Variants in AK5 observed in about 807,000 individuals in gnomAD.
The protein encoded by AK5 is adenylate kinase isoenzyme 5.
A neutral mutation model predicts 69.5 loss-of-function variants in AK5; 27 were observed. The observed-to-expected ratio is 0.39, with a 90% CI of 0.29 to 0.54. The LOEUF is 0.54. Ranked by LOEUF, AK5 falls within the 20% of genes least tolerant of loss-of-function variation. The pLI, the probability that AK5 is intolerant of heterozygous loss-of-function variation, is 0.71. For missense variants in AK5, 531 were observed against 700.4 expected, an observed-to-expected ratio of 0.76 and a Z score of 2.73; for synonymous variants, 260 against 244.4, an observed-to-expected ratio of 1.06 and a Z score of -0.60.
At chr1:77,463,778 A>T (rs55674461) in intron 8 of AK5, among the ~76,000 whole-genome samples, 2,566 of 152,152 alleles carry the variant, frequency 0.017, 80 homozygotes, top group African/African-American at 0.059. Flanking sequence ...GCATCTACCA[A>T]CTGGTACAGC....
intron 6 of AK5, among the ~76,000 whole-genome samples, chr1:77,391,390 A>T (rs187040048): frequency 0.037 from 5,309 of 141,616 alleles, 174 homozygotes; most frequent in African/African-American, 0.084. Context: ...CAAAAAAAAA[A>T]ATATATATAT....
In AK5 at chr1:77,449,641, A is replaced by T. The variant is rs530773257; in HGVS notation, c.1059+31926A>T. On this transcript the variant is annotated intron_variant, in intron 8 of 13. Transcript: ENST00000354567. ...GAAATGTGAGGACATGAGATTTGGGAGGGGCCAAGAGTGTAATGATAAGGT... is the reference window on the plus strand; with the variant it reads ...GAAATGTGAGGACATGAGATTTGGGTGGGGCCAAGAGTGTAATGATAAGGT... Among the ~76,000 whole-genome samples, 12 of 152,252 alleles carry T rather than the reference A, an allele frequency of 7.9e-5. 1 individual carries two copies. In the South Asian group the frequency reaches 2.5e-3, roughly 32 times the overall value.
intron 6 of AK5, chr1:77,340,916 C>A: frequency 5.5e-6 from 1 of 182,358 alleles, no homozygotes; most frequent in South Asian, 1.4e-4. Context: ...TCTTTGGAAG[C>A]CTAACAAAAT....
At position 77,297,540 on chromosome 1, in the gene AK5, T is replaced by G. The variant is rs756088613; in HGVS notation, c.416-19T>G. ...TTATTGTATCAGAAGATCACAGTTT[T>G]GCCTGTTTTAAATACTAGGTGGTCC... On this transcript the variant is annotated intron_variant, in intron 3 of 13. Coordinates refer to ENST00000354567, the MANE Select transcript of AK5 (RefSeq NM_174858.3). 13 of 1,574,456 alleles carry G rather than the reference T, an allele frequency of 8.3e-6. No homozygotes were observed.
chr1:77,417,191 C>T (rs1356885680), intron 7 of AK5, among the ~76,000 whole-genome samples: 9 of 152,162 alleles, frequency 5.9e-5, no homozygotes, highest in Non-Finnish European at 1.5e-5. Flanking sequence ...TCTCCTCCCA[C>T]TCTGTACTTT....
chr1:77,403,919 C>T (rs1478619182), intron 6 of AK5, among the ~76,000 whole-genome samples: 1 of 152,148 alleles, frequency 6.6e-6, no homozygotes, highest in Non-Finnish European at 1.5e-5. Context: ...TTGATTCTTC[C>T]TACCCATGAG....
chr1:77,409,530 A>G (rs945235119), intron 6 of AK5, among the ~76,000 whole-genome samples: 1 of 151,944 alleles, frequency 6.6e-6, no homozygotes, highest in Non-Finnish European at 1.5e-5. Flanking sequence ...GGCTGCATGT[A>G]TGTCTTCTTT....
chr1:77,482,992 TAAAAAAAAAAAAAAAAAAAAAAAAAA>T (rs56718956), intron 8 of AK5, among the ~76,000 whole-genome samples: 116 of 43,916 alleles, frequency 2.6e-3, no homozygotes, highest in African/African-American at 6.3e-3. Context: ...TTTTGCACTT[TAAAAAAAAAAAAAAAAAAAAAAAAAA>T]AAAAAAAAAA....
chr1:77,514,056 T>C (rs1005091346), intron 10 of AK5, among the ~76,000 whole-genome samples: 3 of 152,178 alleles, frequency 2.0e-5, no homozygotes, highest in African/African-American at 7.2e-5. Flanking sequence ...CTTACTCAGA[T>C]GCAAATTGGG....
intron 8 of AK5, among the ~76,000 whole-genome samples, chr1:77,453,723 C>T (rs1041336375): frequency 6.6e-6 from 1 of 152,222 alleles, no homozygotes; most frequent in Non-Finnish European, 1.5e-5. Context: ...GAAATCAGCT[C>T]AGCCCTCTGG....
chr1:77,311,485 A>G (rs1659960230), intron 5 of AK5, among the ~76,000 whole-genome samples: 1 of 152,126 alleles, frequency 6.6e-6, no homozygotes. Context: ...GAATGAGAAT[A>G]ATAATGTCTC....
At position 77,559,676 on chromosome 1, in the gene AK5, G is replaced by C. The variant is rs1354441823; in HGVS notation, c.*1006G>C. The C allele has an allele frequency of 6.6e-6, 1 of 152,128 alleles. No homozygotes were observed. 9.4% of individuals were successfully genotyped at this position (152,128 alleles called of 1,614,324 possible). ...CCCTTTCCAGGAGTTTGCAAACCTTGTCATACCCATATGCAAAACTGTGTT... is the reference window on the plus strand; with the variant it reads ...CCCTTTCCAGGAGTTTGCAAACCTTCTCATACCCATATGCAAAACTGTGTT... On this transcript the variant is annotated 3_prime_UTR_variant, in exon 14 of 14. Transcript: ENST00000354567.
chr1:77,466,080 G>A (rs560347740), intron 8 of AK5, among the ~76,000 whole-genome samples: 6 of 152,238 alleles, frequency 3.9e-5, no homozygotes, highest in Admixed American at 6.5e-5. Context: ...ACCATGGCCC[G>A]TGAGGCTCTG....
chr1:77,320,141 A>G (rs969392907), intron 5 of AK5, among the ~76,000 whole-genome samples: 1 of 152,218 alleles, frequency 6.6e-6, no homozygotes, highest in East Asian at 1.9e-4. Context: ...AGTGCTGAGC[A>G]AAGTGGGGAA....
intron 6 of AK5, among the ~76,000 whole-genome samples, chr1:77,396,168 C>T (rs1648815973): frequency 6.6e-6 from 1 of 152,166 alleles, no homozygotes; most frequent in Non-Finnish European, 1.5e-5. Context: ...AGTAACTACC[C>T]ATAGAGTTGA....
rs1206468520 is a variant in AK5, at chr1:77,480,156, G to GTGTGTGTGTA, written c.1060-3160_1060-3159insGTGTGTGTAT. Among the ~76,000 whole-genome samples the GTGTGTGTGTA allele has an allele frequency of 5.2e-4, 79 of 151,526 alleles. 2 individuals carry two copies. The highest frequency in any genetic ancestry group is 1.8e-3 in the African/African-American group (76 of 41,284). On this transcript the variant is annotated intron_variant, in intron 8 of 13. Transcript: ENST00000354567. ...TGTGTGTGTGTGTGTGTGTGTGTGTGTAAGATGCCAGATTAATTTTGTTTA... is the reference window on the plus strand; with the variant it reads ...TGTGTGTGTGTGTGTGTGTGTGTGTGTGTGTGTGTATAAGATGCCAGATTAATTTTGTTTA...
At chr1:77,371,493 C>T (rs1230388571) in intron 6 of AK5, 3 of 152,216 alleles carry the variant, frequency 2.0e-5, no homozygotes, top group Non-Finnish European at 2.9e-5. Context: ...TCTTGAGTAC[C>T]TTAATCTGGT....
intron 5 of AK5, among the ~76,000 whole-genome samples, chr1:77,312,884 T>C (rs1265223418): frequency 6.6e-6 from 1 of 152,054 alleles, no homozygotes; most frequent in Admixed American, 6.5e-5. Context: ...TCCATGTGAT[T>C]TTCATGTGAG....
intron 5 of AK5, among the ~76,000 whole-genome samples, chr1:77,334,810 C>T (rs538511900): frequency 6.6e-6 from 1 of 152,228 alleles, no homozygotes; most frequent in South Asian, 2.1e-4. Context: ...CAACAAAAGC[C>T]TGGGGGTGGG....
Sources: allele counts gnomAD v4.1 joint callset (sites outside exome capture counted in the v4.1 genomes callset), GRCh38; gene constraint gnomAD v4.1.1; transcripts MANE v1.5; gene names NCBI Gene and HGNC (gene_info 2026-07-23, HGNC 2026-07-21).